CHM: variants seen among roughly 807,000 people sequenced by gnomAD.
The protein encoded by CHM is CHM Rab escort protein.
Under a neutral mutation model 49.0 loss-of-function variants are expected in CHM, and 10 were observed. The observed-to-expected ratio is 0.20, with a 90% CI of 0.13 to 0.35. CHM has a LOEUF of 0.35. Among genes scored for constraint, CHM ranks in the 10% least tolerant of loss-of-function variants. CHM has a pLI of 1.00. For synonymous variants in CHM, 184 were observed against 167.5 expected (o/e 1.10, Z -0.76); for missense variants, 455 against 478.4 (o/e 0.95, Z 0.46).
At chrX:86,025,634 G>A (rs1933772624) in intron 2 of CHM, among the ~76,000 whole-genome samples, 1 of 103,264 alleles carries the variant, frequency 9.7e-6, no homozygotes, top group Non-Finnish European at 2.0e-5. Context: ...CTATTACCAT[G>A]CCACTGTACT....
chrX:85,935,680 C>G (rs1928741819), intron 8 of CHM, among the ~76,000 whole-genome samples: 1 of 112,165 alleles, frequency 8.9e-6, no homozygotes. Flanking sequence ...CTTATAGGAA[C>G]ACCATCATAT....
In CHM at chrX:86,025,562, A is replaced by AT. The variant is rs774166799; in HGVS notation, c.116+1928_116+1929insA. Among the ~76,000 whole-genome samples, 8 of 109,192 alleles carry AT rather than the reference A, an allele frequency of 7.3e-5. No individual in the cohort carries two copies. In the East Asian group the frequency reaches 2.3e-3, roughly 32 times the overall value. 94.8% of individuals were successfully genotyped at this position (109,192 alleles called of 115,157 possible). On this transcript the variant is annotated intron_variant, in intron 2 of 14. Transcript: ENST00000357749. ...TGCAACGGCATGCACCTGTAGTCCT[A>AT]GTTACCCAGGAGGCTGAGGCAGGAG...
intron 8 of CHM, among the ~76,000 whole-genome samples, chrX:85,922,619 G>T (rs1927859998): frequency 8.9e-6 from 1 of 112,294 alleles, no homozygotes; most frequent in African/African-American, 3.2e-5. Context: ...ATATCAATGG[G>T]TATAATGGGA....
intron 11 of CHM, among the ~76,000 whole-genome samples, chrX:85,899,685 CCG>C (rs201338777): frequency 0.01 from 689 of 67,110 alleles, 7 homozygotes; most frequent in African/African-American, 0.038. Flanking sequence ...AACCCACCCC[CCG>C]CCCCAAAAAA....
intron 8 of CHM, among the ~76,000 whole-genome samples, chrX:85,925,219 C>T (rs1315375607): frequency 9.0e-6 from 1 of 111,254 alleles, no homozygotes; most frequent in East Asian, 2.8e-4. Flanking sequence ...ATCTATGTTT[C>T]ATAAGTACAG....
chrX:85,957,752 G>A lies in CHM; in HGVS notation c.940+103C>T, dbSNP rs1930076856. 8.0e-6 allele frequency: 8 copies of A among 1,004,770 alleles called. No homozygotes were observed. The East Asian group carries it at 2.6e-4, about 32-fold the overall frequency. The allele number at this position is 1,004,770 out of a possible 1,213,427, so 82.8% of individuals were successfully genotyped here. ...CCTATTGATAGTGCAGAGTTAGAAT[G>A]CATTTTAAAACAGTAATAAGTGGCT... On this transcript the variant is annotated intron_variant, in intron 7 of 14. Transcript: ENST00000357749.
At chrX:86,046,661 A>T (rs1381245509) in intron 1 of CHM, among the ~76,000 whole-genome samples, 11 of 111,398 alleles carry the variant, frequency 9.9e-5, no homozygotes, top group South Asian at 3.8e-4. Context: ...TTACACTATT[A>T]AAAAAAATTG....
chrX:86,038,629 A>T (rs1484871777), intron 1 of CHM, among the ~76,000 whole-genome samples: 2 of 112,194 alleles, frequency 1.8e-5, no homozygotes, highest in Non-Finnish European at 3.8e-5. Flanking sequence ...TTCCTACTGA[A>T]GCAAATCATT....
chrX:85,981,820 TAAAAAA>T lies in CHM; in HGVS notation c.117-17_117-12del. 1 of 949,862 alleles carries T rather than the reference TAAAAAA, an allele frequency of 1.1e-6. No individual in the cohort carries two copies. The highest frequency in any genetic ancestry group is 1.4e-6 in the Non-Finnish European group (1 of 709,335). The allele number at this position is 949,862 out of a possible 1,213,427, so 78.3% of individuals were successfully genotyped here. On this transcript the variant is annotated splice_polypyrimidine_tract_variant and intron_variant, in intron 2 of 14. Coordinates refer to ENST00000357749, the MANE Select transcript of CHM (RefSeq NM_000390.4). ...CCATAGTAGCTTCTTCTGTAACAATTAAAAAAAAAAAAAAAAGTAAAGAAAATGGTA... is the reference window on the plus strand; with the variant it reads ...CCATAGTAGCTTCTTCTGTAACAATTAAAAAAAAAAGTAAAGAAAATGGTA...
At chrX:86,035,863 G>A (rs1000440789) in intron 1 of CHM, among the ~76,000 whole-genome samples, 13 of 98,951 alleles carry the variant, frequency 1.3e-4, no homozygotes, top group Non-Finnish European at 2.0e-4. Flanking sequence ...GCGCGATCTC[G>A]GCTCACTGCA....
chrX:85,983,976 C>T (rs940011179), intron 2 of CHM, among the ~76,000 whole-genome samples: 32 of 110,242 alleles, frequency 2.9e-4, no homozygotes, highest in African/African-American at 8.6e-4. Context: ...CCGAGGTGGG[C>T]GGATCACCTG....
chrX:85,943,800 G>A (rs1929257599), intron 8 of CHM, among the ~76,000 whole-genome samples: 1 of 111,661 alleles, frequency 9.0e-6, no homozygotes, highest in Non-Finnish European at 1.9e-5. Context: ...CTGGTTTCTA[G>A]CCTCAGCCTT....
chrX:85,949,453 T>G (rs1302481524), intron 8 of CHM, among the ~76,000 whole-genome samples: 5 of 110,903 alleles, frequency 4.5e-5, no homozygotes, highest in Non-Finnish European at 9.4e-5. Context: ...TACCCTAAGC[T>G]CCACAGGAGT....
chrX:85,916,363 C>T (rs1310468441), intron 8 of CHM, among the ~76,000 whole-genome samples: 2 of 111,953 alleles, frequency 1.8e-5, no homozygotes, highest in Non-Finnish European at 3.8e-5. Flanking sequence ...GGAAGACAAT[C>T]TAGGAAATAC....
intron 14 of CHM, among the ~76,000 whole-genome samples, chrX:85,870,469 G>A (rs1339306571): frequency 8.9e-6 from 1 of 111,764 alleles, no homozygotes; most frequent in Non-Finnish European, 1.9e-5. Flanking sequence ...TCTAAATGGT[G>A]GTTAAGTTGC....
At chrX:85,908,329 T>C (rs989537641) in intron 9 of CHM, among the ~76,000 whole-genome samples, 1 of 111,949 alleles carries the variant, frequency 8.9e-6, no homozygotes, top group Non-Finnish European at 1.9e-5. Context: ...ATCTCTCTTG[T>C]ATGTTTGATT....
intron 14 of CHM, among the ~76,000 whole-genome samples, chrX:85,869,223 C>T (rs1923895635): frequency 8.9e-6 from 1 of 111,813 alleles, no homozygotes; most frequent in African/African-American, 3.3e-5. Flanking sequence ...AGTGATTCCT[C>T]CAGGATGACA....
chrX:85,873,181 C>T lies in CHM; in HGVS notation c.1641G>A (p.Leu547=), dbSNP rs148301015. 1.7e-6 allele frequency: 2 copies of T among 1,197,754 alleles called. No individual in the cohort carries two copies. The highest frequency in any genetic ancestry group is 1.8e-5 in the African/African-American group (1 of 56,939). The change falls in exon 14 of 15, where the codon CTG becomes CTA. Residue 547 remains leucine (L), a synonymous_variant. Coordinates refer to ENST00000357749, the MANE Select transcript of CHM (RefSeq NM_000390.4). ...CTCTCATATTGAAGTAAAGAGCCCA[C>T]AGAATTCTTGGCTTTTCTACTTGTT... The part of the protein sequence containing the change: ...ENEQVEKPRI[L]WALYFNMRDS...
At chrX:86,040,074 C>A (rs759447359) in intron 1 of CHM, among the ~76,000 whole-genome samples, 2 of 112,503 alleles carry the variant, frequency 1.8e-5, no homozygotes, top group South Asian at 7.4e-4. Flanking sequence ...GGCTGTCACA[C>A]TTGCCCTTTG....
Sources: gnomAD v4.1 joint callset for allele counts (sites outside exome capture counted in the v4.1 genomes callset) on GRCh38, gnomAD v4.1.1 for gene constraint, MANE v1.5 for transcripts, NCBI Gene and HGNC (gene_info 2026-07-23, HGNC 2026-07-21) for gene names.